The following CALN1 variants were observed in gnomAD, a reference collection of about 807,000 sequenced individuals.
CALN1 encodes the protein calneuron 1.
In CALN1, 17 loss-of-function variants were observed where a neutral mutation model predicts 30.6. The observed-to-expected ratio is 0.56, with a 90% CI of 0.38 to 0.83. The LOEUF (loss-of-function observed/expected upper bound fraction) is 0.83, where lower values mean the gene tolerates loss of function less well. Ranked by LOEUF, CALN1 falls within the 40% of genes least tolerant of loss-of-function variation. CALN1 has a pLI of 0.00. For synonymous variants in CALN1, 156 were observed against 131.4 expected (o/e 1.19, Z -1.28); for missense variants, 291 against 354.9 (o/e 0.82, Z 1.45).
chr7:72,262,281 T>G (rs933690137), intron 3 of CALN1, among the ~76,000 whole-genome samples: 4 of 152,206 alleles, frequency 2.6e-5, no homozygotes, highest in Non-Finnish European at 4.4e-5. Flanking sequence ...TTGGAAGGCC[T>G]GCATATGCAG....
chr7:72,074,568 AG>A, intron 4 of CALN1, among the ~76,000 whole-genome samples: 1 of 152,196 alleles, frequency 6.6e-6, no homozygotes, highest in African/African-American at 2.4e-5. Flanking sequence ...CCACCACTCC[AG>A]ACTAATTTTT....
intron 5 of CALN1, among the ~76,000 whole-genome samples, chr7:71,924,807 A>G (rs1390021346): frequency 1.3e-5 from 2 of 152,174 alleles, no homozygotes; most frequent in African/African-American, 4.8e-5. Context: ...GTTGTCAATC[A>G]TTTAACTTTG....
chr7:72,448,736 G>C (rs1363744884), upstream of CALN1, among the ~76,000 whole-genome samples: 1 of 151,990 alleles, frequency 6.6e-6, no homozygotes, highest in African/African-American at 2.4e-5. Context: ...CTCCCGAGTA[G>C]CTGGGACTAC....
chr7:71,863,290 G>C (rs1300289029), intron 5 of CALN1, among the ~76,000 whole-genome samples: 1 of 151,510 alleles, frequency 6.6e-6, no homozygotes, highest in Admixed American at 6.6e-5. Flanking sequence ...AGGCACAGTG[G>C]CTCACATCTG....
intron 1 of CALN1, among the ~76,000 whole-genome samples, chr7:72,434,962 C>T (rs1377757103): frequency 1.3e-5 from 2 of 152,176 alleles, no homozygotes; most frequent in African/African-American, 4.8e-5. Context: ...CATGGTGGCT[C>T]ACACCTGTAA....
chr7:72,094,333 C>T (rs1003815771), intron 4 of CALN1, among the ~76,000 whole-genome samples: 1 of 152,174 alleles, frequency 6.6e-6, no homozygotes, highest in African/African-American at 2.4e-5. Flanking sequence ...CAGCTCACTG[C>T]AACCTCTGCC....
chr7:71,839,674 G>C (rs1465899088), intron 5 of CALN1, among the ~76,000 whole-genome samples: 3 of 152,162 alleles, frequency 2.0e-5, no homozygotes, highest in South Asian at 4.1e-4. Context: ...CTGAGACCAG[G>C]AGTGCCAACT....
chr7:72,409,847 TAC>T (rs547040409), intron 1 of CALN1, among the ~76,000 whole-genome samples: 122 of 152,254 alleles, frequency 8.0e-4, no homozygotes, highest in Admixed American at 9.2e-4. Flanking sequence ...GGCATCAAGT[TAC>T]AGTCTTTTCT....
intron 3 of CALN1, among the ~76,000 whole-genome samples, chr7:72,117,113 G>A (rs1808039742): frequency 6.6e-6 from 1 of 152,090 alleles, no homozygotes; most frequent in Non-Finnish European, 1.5e-5. Context: ...AGGAATTCAA[G>A]ACTAACCTGG....
intron 5 of CALN1, among the ~76,000 whole-genome samples, chr7:71,870,758 C>T (rs115037291): frequency 1.3e-3 from 197 of 152,246 alleles, no homozygotes; most frequent in African/African-American, 4.4e-3. Context: ...GATAAAATGG[C>T]AAATGACGAA....
intron 5 of CALN1, among the ~76,000 whole-genome samples, chr7:71,870,542 A>G (rs1791862568): frequency 6.6e-6 from 1 of 152,218 alleles, no homozygotes; most frequent in Non-Finnish European, 1.5e-5. Flanking sequence ...GAAAGATAAT[A>G]TATTACAATT....
At chr7:72,086,819 A>C (rs1181488078) in intron 4 of CALN1, among the ~76,000 whole-genome samples, 1 of 152,198 alleles carries the variant, frequency 6.6e-6, no homozygotes, top group African/African-American at 2.4e-5. Context: ...ATAGAGAGAG[A>C]AGCTCAGCTA....
intron 3 of CALN1, among the ~76,000 whole-genome samples, chr7:72,174,831 T>C (rs1041277164): frequency 6.6e-6 from 1 of 152,114 alleles, no homozygotes; most frequent in Non-Finnish European, 1.5e-5. Context: ...TATTGGGTGG[T>C]AGTATTATAG....
chr7:72,261,545 A>G (rs1233287166), intron 3 of CALN1, among the ~76,000 whole-genome samples: 1 of 151,928 alleles, frequency 6.6e-6, no homozygotes. Context: ...CTGCCTCAGC[A>G]TCACAAATAG....
At chr7:72,099,097 C>T (rs990632659) in intron 4 of CALN1, among the ~76,000 whole-genome samples, 2 of 152,236 alleles carry the variant, frequency 1.3e-5, no homozygotes, top group Admixed American at 6.5e-5. Context: ...TCGGGCAAAG[C>T]GGCAGGGACC....
chr7:72,373,936 T>C (rs144947581), intron 2 of CALN1, among the ~76,000 whole-genome samples: 4 of 152,232 alleles, frequency 2.6e-5, no homozygotes, highest in Non-Finnish European at 2.9e-5. Context: ...CGTGGAATCA[T>C]GAAGGCCAGA....
chr7:72,398,310 G>A (rs558393985), intron 2 of CALN1, among the ~76,000 whole-genome samples: 3 of 152,174 alleles, frequency 2.0e-5, no homozygotes, highest in South Asian at 2.1e-4. Flanking sequence ...GGGGTGGGAG[G>A]GAAAACTAGA....
intron 4 of CALN1, among the ~76,000 whole-genome samples, chr7:72,068,105 TTAAA>T (rs909416552): frequency 9.2e-5 from 14 of 152,152 alleles, no homozygotes; most frequent in African/African-American, 3.1e-4. Flanking sequence ...CAATTAAAGC[TTAAA>T]TAGTCAATCT....
intron 1 of CALN1, among the ~76,000 whole-genome samples, chr7:72,411,702 T>C (rs947503032): frequency 6.6e-6 from 1 of 152,148 alleles, no homozygotes; most frequent in Non-Finnish European, 1.5e-5. Context: ...ACAGAGAAAC[T>C]AACTGGAAGA....
Sources: gnomAD v4.1 joint callset for allele counts (sites outside exome capture counted in the v4.1 genomes callset) on GRCh38, gnomAD v4.1.1 for gene constraint, MANE v1.5 for transcripts, NCBI Gene and HGNC (gene_info 2026-07-23, HGNC 2026-07-21) for gene names.